The following TMEM183A variants were observed in gnomAD, a reference collection of about 807,000 sequenced individuals.
The protein encoded by TMEM183A is transmembrane protein 183A, also known as chromosome 1 open reading frame 37.
A neutral mutation model predicts 46.7 loss-of-function variants in TMEM183A; 21 were observed. That is an observed-to-expected ratio of 0.45 (90% CI 0.32 to 0.65). The LOEUF (loss-of-function observed/expected upper bound fraction) is 0.65. Ranked by LOEUF, TMEM183A falls within the 30% of genes least tolerant of loss-of-function variation. The pLI is 0.04. For synonymous variants in TMEM183A, 165 were observed against 180.2 expected, an observed-to-expected ratio of 0.92 and a Z score of 0.68; for missense variants, 331 against 481.9, an observed-to-expected ratio of 0.69 and a Z score of 2.93.
chr1:203,008,509 C>A, intron 2 of TMEM183A, 134 bp from the exon 3 acceptor site: 36 of 545,328 alleles, frequency 6.6e-5, no homozygotes, highest in Non-Finnish European at 8.9e-5. Flanking sequence ...TTTTTGGTGA[C>A]AGATTCTCAC....
chr1:203,012,268 C>T (rs182909031), intron 3 of TMEM183A, among the ~76,000 whole-genome samples: 14 of 149,424 alleles, frequency 9.4e-5, no homozygotes, highest in Admixed American at 6.3e-4. Flanking sequence ...CACACACACA[C>T]ACACACACAC....
At chr1:203,021,733 A>G (rs75370745) in intron 7 of TMEM183A, among the ~76,000 whole-genome samples, 258 of 152,322 alleles carry the variant, frequency 1.7e-3, no homozygotes, top group Non-Finnish European at 2.4e-3. Context: ...TTAGTAAACA[A>G]CGTATGTGCC....
Position 203,013,181 on chromosome 1 carries a change from T to C in TMEM183A, c.368-1708T>C, listed in dbSNP as rs966385011. 6.6e-6 allele frequency among the ~76,000 whole-genome samples: 1 copy of C among 152,190 alleles called. No individual in the cohort carries two copies. Among genetic ancestry groups the C allele is most frequent in the Non-Finnish European group, 1.5e-5 (1 of 68,022 alleles). On this transcript the variant is annotated intron_variant, in intron 3 of 7. Coordinates refer to ENST00000367242, the MANE Select transcript of TMEM183A (RefSeq NM_138391.6). The surrounding 1 kb of genome is among the most constrained non-coding windows in gnomAD (Gnocchi z 4.0). ...AAAAGATGATGATGTTTTAGACATA[T>C]TGGGTCTCTGTTGTGAAGAACCTAA...
chr1:203,018,899 C>A (rs1657415909), intron 6 of TMEM183A, among the ~76,000 whole-genome samples: 2 of 152,186 alleles, frequency 1.3e-5, no homozygotes, highest in Admixed American at 1.3e-4. Context: ...GGCCTTAATC[C>A]CATTCATGAG....
intron 3 of TMEM183A, among the ~76,000 whole-genome samples, chr1:203,009,030 G>C (rs188096023): frequency 6.6e-5 from 10 of 152,108 alleles, no homozygotes; most frequent in Non-Finnish European, 1.2e-4. Flanking sequence ...AGATTAGTAC[G>C]TGTTAGTAGA....
In TMEM183A at chr1:203,014,812, C is replaced by A. The variant is rs117240826; in HGVS notation, c.368-77C>A. 629 of 1,563,866 alleles carry A rather than the reference C, an allele frequency of 4.0e-4. 2 individuals carry two copies. The East Asian group carries it at 8.1e-3, about 20-fold the overall frequency. ...CCATTTTCTTAACTGTGCAATCAAT[C>A]CTTGGGAGAAATGAAATTATCGAGT... On this transcript the variant is annotated intron_variant, in intron 3 of 7. Coordinates refer to ENST00000367242, the MANE Select transcript of TMEM183A (RefSeq NM_138391.6).
intron 7 of TMEM183A, 117 bp from the exon 8 acceptor site, chr1:203,022,738 A>G (rs1657818050): frequency 4.1e-6 from 5 of 1,206,974 alleles, no homozygotes; most frequent in African/African-American, 3.1e-5. Flanking sequence ...TTTATAATTT[A>G]GAGATTAATC....
chr1:203,010,855 C>G (rs965137991), intron 3 of TMEM183A, among the ~76,000 whole-genome samples: 8 of 152,214 alleles, frequency 5.3e-5, no homozygotes, highest in African/African-American at 1.9e-4. Context: ...CCTTCTCATT[C>G]CAAACCCTCC....
At chr1:203,010,477 C>G (rs758434437) in intron 3 of TMEM183A, among the ~76,000 whole-genome samples, 1 of 151,962 alleles carries the variant, frequency 6.6e-6, no homozygotes, top group Non-Finnish European at 1.5e-5. Context: ...TAGGGCTGCT[C>G]GACCAATAAG....
chr1:203,021,353 C>A (rs1657665182), intron 7 of TMEM183A, among the ~76,000 whole-genome samples: 1 of 151,934 alleles, frequency 6.6e-6, no homozygotes, highest in South Asian at 2.1e-4. Context: ...TTTGCTATAT[C>A]TGAGGTTTGA....
At chr1:203,012,929 A>G (rs1207645251) in intron 3 of TMEM183A, among the ~76,000 whole-genome samples, 1 of 152,284 alleles carries the variant, frequency 6.6e-6, no homozygotes, top group African/African-American at 2.4e-5. Context: ...TGTGTTGCCC[A>G]AGCCGATCTC....
chr1:203,016,214 A>G, intron 5 of TMEM183A, 74 bp downstream of exon 5: 1 of 1,602,702 alleles, frequency 6.2e-7, no homozygotes, highest in Non-Finnish European at 8.5e-7. Context: ...GCTTGTCTCC[A>G]GCTTCCTTGA....
intron 3 of TMEM183A, among the ~76,000 whole-genome samples, chr1:203,012,818 A>G (rs1016159367): frequency 1.3e-5 from 2 of 152,072 alleles, no homozygotes; most frequent in Non-Finnish European, 1.5e-5. Context: ...CAGCCTCGAC[A>G]TCCTGGGCTT....
At chr1:203,021,287 C>T (rs75345144) in intron 7 of TMEM183A, among the ~76,000 whole-genome samples, 184 of 152,202 alleles carry the variant, frequency 1.2e-3, no homozygotes, top group Middle Eastern at 6.8e-3. Context: ...CCACGTCGGC[C>T]TCTCAAGTGC....
intron 1 of TMEM183A, 56 bp from the exon 2 acceptor site, chr1:203,007,718 G>A (rs1656094369): frequency 6.2e-7 from 1 of 1,603,086 alleles, no homozygotes; most frequent in African/African-American, 1.3e-5. Context: ...AGGTGTTGGC[G>A]GGGAAGACGC....
At chr1:203,009,659 T>A (rs543981294) in intron 3 of TMEM183A, among the ~76,000 whole-genome samples, 2 of 152,054 alleles carry the variant, frequency 1.3e-5, no homozygotes, top group Non-Finnish European at 2.9e-5. Context: ...TTTTTTCTAT[T>A]TTTTGTAGAG....
In TMEM183A at chr1:203,023,753, T is replaced by C. The variant is rs1372734159; in HGVS notation, c.*713T>C. 1 of 152,394 alleles carries C rather than the reference T, an allele frequency of 6.6e-6. No homozygotes were observed. The highest frequency in any genetic ancestry group is 1.5e-5 in the Non-Finnish European group (1 of 68,040). 9.4% of individuals were successfully genotyped at this position (152,394 alleles called of 1,614,324 possible). ...AGGTGATATTATTCCCATTTTATAG[T>C]TGAGAAAACGGAATTAGTGACTGTA... On this transcript the variant is annotated 3_prime_UTR_variant, in exon 8 of 8. Transcript: ENST00000367242.
Position 203,012,595 on chromosome 1 carries a change from A to G in TMEM183A, c.368-2294A>G, listed in dbSNP as rs138347432. 9.6e-3 allele frequency among the ~76,000 whole-genome samples: 1,468 copies of G among 152,302 alleles called. 19 individuals carry two copies. The highest frequency in any genetic ancestry group is 0.033 in the African/African-American group (1,365 of 41,554). ...TCCTTCGTTTTGAAAGCTCTTAATAATTATGTATAAAACACTGACAATTCT... is the reference window on the plus strand; with the variant it reads ...TCCTTCGTTTTGAAAGCTCTTAATAGTTATGTATAAAACACTGACAATTCT... On this transcript the variant is annotated intron_variant, in intron 3 of 7. Transcript: ENST00000367242.
chr1:203,015,440 C>G, intron 4 of TMEM183A: 1 of 246,800 alleles, frequency 4.1e-6, no homozygotes, highest in Non-Finnish European at 7.9e-6. Context: ...AAGTATTACA[C>G]AGTTTTTGTA....
Sources: allele counts gnomAD v4.1 joint callset (sites outside exome capture counted in the v4.1 genomes callset), GRCh38; gene constraint gnomAD v4.1.1; non-coding constraint Gnocchi (gnomAD v3.1); transcripts MANE v1.5; gene names NCBI Gene and HGNC (gene_info 2026-07-23, HGNC 2026-07-21).